Variants in PCDH7 observed in about 807,000 individuals in gnomAD.
PCDH7 encodes the protein protocadherin 7, also known as protocadherin-7.
In PCDH7, 17 loss-of-function variants were observed where a neutral mutation model predicts 58.9. The observed-to-expected ratio is 0.29, with a 90% CI of 0.20 to 0.43. The LOEUF (loss-of-function observed/expected upper bound fraction) is 0.43. Among genes scored for constraint, PCDH7 ranks in the 20% least tolerant of loss-of-function variants. The probability of loss-of-function intolerance (pLI) is 1.00; values close to 1 mark genes in which losing one functional copy is unlikely to be tolerated. For missense variants in PCDH7, 1,274 were observed against 1,441.0 expected, an observed-to-expected ratio of 0.88 and a Z score of 1.88; for synonymous variants, 664 against 616.4, an observed-to-expected ratio of 1.08 and a Z score of -1.14.
chr4:31,103,577 A>T (rs1353861195), intron 3 of PCDH7, among the ~76,000 whole-genome samples: 2 of 152,050 alleles, frequency 1.3e-5, no homozygotes, highest in African/African-American at 2.4e-5. Flanking sequence ...ACCTCAAGTG[A>T]TTCACCTGCC....
chr4:31,077,128 A>G (rs573157367), intron 3 of PCDH7, among the ~76,000 whole-genome samples: 16 of 152,316 alleles, frequency 1.1e-4, no homozygotes, highest in African/African-American at 2.9e-4. Context: ...TTAAAAAATC[A>G]GGCTGGGTGC....
At chr4:30,813,613 A>G (rs1309995254) in intron 1 of PCDH7, among the ~76,000 whole-genome samples, 1 of 152,160 alleles carries the variant, frequency 6.6e-6, no homozygotes, top group Non-Finnish European at 1.5e-5. Context: ...CTTCAAGTCA[A>G]TGTCACTGGG....
At chr4:31,116,001 C>T (rs1378496825) in intron 3 of PCDH7, among the ~76,000 whole-genome samples, 1 of 152,148 alleles carries the variant, frequency 6.6e-6, no homozygotes, top group Non-Finnish European at 1.5e-5. Context: ...AATAACTCTT[C>T]ATTGTCTTAT....
At chr4:30,822,669 G>A (rs1234882870) in intron 1 of PCDH7, among the ~76,000 whole-genome samples, 2 of 151,778 alleles carry the variant, frequency 1.3e-5, no homozygotes, top group African/African-American at 4.8e-5. Flanking sequence ...TTAAACACTG[G>A]TGCTTCTTGT....
intron 3 of PCDH7, among the ~76,000 whole-genome samples, chr4:31,111,735 C>G (rs553561054): frequency 6.6e-6 from 1 of 152,314 alleles, no homozygotes; most frequent in South Asian, 2.1e-4. Flanking sequence ...AGGCACTTCT[C>G]AACCCTAACA....
chr4:31,085,997 G>A (rs1204975477), intron 3 of PCDH7, among the ~76,000 whole-genome samples: 4 of 152,014 alleles, frequency 2.6e-5, no homozygotes, highest in Non-Finnish European at 5.9e-5. Context: ...AACAAAGTAA[G>A]TTGAAAAAGC....
chr4:31,048,478 A>G (rs932897750), intron 3 of PCDH7, among the ~76,000 whole-genome samples: 3 of 152,080 alleles, frequency 2.0e-5, no homozygotes, highest in Admixed American at 2.0e-4. Context: ...TGCCAGTTAG[A>G]ATCTTTCCAT....
intron 1 of PCDH7, among the ~76,000 whole-genome samples, chr4:30,797,429 C>G (rs934279845): frequency 6.6e-6 from 1 of 151,968 alleles, no homozygotes; most frequent in Admixed American, 6.6e-5. Flanking sequence ...CCCGCCACCA[C>G]GCCCGGCTAA....
intron 3 of PCDH7, among the ~76,000 whole-genome samples, chr4:31,051,196 A>T (rs989724341): frequency 4.6e-5 from 7 of 152,020 alleles, no homozygotes; most frequent in African/African-American, 1.7e-4. Context: ...TCACAGCCCC[A>T]CCTTACAAGC....
chr4:30,984,173 G>A (rs979243845), intron 3 of PCDH7, among the ~76,000 whole-genome samples: 1 of 152,102 alleles, frequency 6.6e-6, no homozygotes. Flanking sequence ...TTTGGGGGTG[G>A]TAAAAGTGGG....
At chr4:30,874,280 G>C (rs896047844) in intron 1 of PCDH7, among the ~76,000 whole-genome samples, 2 of 151,884 alleles carry the variant, frequency 1.3e-5, no homozygotes, top group African/African-American at 2.4e-5. Context: ...CAATAGCAAA[G>C]ACTTGGAACC....
At chr4:30,895,885 T>C (rs1251249533) in intron 1 of PCDH7, among the ~76,000 whole-genome samples, 1 of 152,210 alleles carries the variant, frequency 6.6e-6, no homozygotes, top group South Asian at 2.1e-4. Flanking sequence ...GAAATGAAGA[T>C]ATATGCTTTC....
At chr4:30,797,546 T>A (rs1483602961) in intron 1 of PCDH7, among the ~76,000 whole-genome samples, 2 of 152,210 alleles carry the variant, frequency 1.3e-5, no homozygotes, top group African/African-American at 2.4e-5. Context: ...AGTGCTGGGA[T>A]GACAGGCTTG....
intron 3 of PCDH7, among the ~76,000 whole-genome samples, chr4:30,964,250 A>C (rs5857216): frequency 2.8e-5 from 3 of 106,784 alleles, no homozygotes; most frequent in African/African-American, 1.7e-4. Flanking sequence ...TTATTTATTT[A>C]TTTTTTTTTG....
intron 3 of PCDH7, among the ~76,000 whole-genome samples, chr4:30,960,476 C>T (rs1748305966): frequency 6.6e-6 from 1 of 152,048 alleles, no homozygotes; most frequent in South Asian, 2.1e-4. Context: ...TTTGGCATAG[C>T]CATGTTTTTA....
intron 3 of PCDH7, among the ~76,000 whole-genome samples, chr4:31,052,104 T>TC (rs902521370): frequency 2.0e-5 from 3 of 152,118 alleles, no homozygotes; most frequent in Admixed American, 6.6e-5. Flanking sequence ...ATATATAATG[T>TC]CCCTTTTTTT....
chr4:30,795,928 A>G (rs1257489531), intron 1 of PCDH7, among the ~76,000 whole-genome samples: 1 of 152,230 alleles, frequency 6.6e-6, no homozygotes, highest in Non-Finnish European at 1.5e-5. Context: ...GAAACTATTT[A>G]TTAAAACAAA....
chr4:30,786,661 A>G (rs1037771448), intron 1 of PCDH7: 1 of 509,094 alleles, frequency 2.0e-6, no homozygotes, highest in African/African-American at 2.1e-5. Flanking sequence ...CAAGCTTTGG[A>G]ACTAGGCTGG....
intron 3 of PCDH7, among the ~76,000 whole-genome samples, chr4:31,065,693 A>T (rs1758027130): frequency 6.6e-6 from 1 of 151,968 alleles, no homozygotes; most frequent in African/African-American, 2.4e-5. Context: ...ACTGTAAGAA[A>T]TTCACTTTAT....
Sources: gnomAD v4.1 joint callset for allele counts (sites outside exome capture counted in the v4.1 genomes callset) on GRCh38, gnomAD v4.1.1 for gene constraint, MANE v1.5 for transcripts, NCBI Gene and HGNC (gene_info 2026-07-23, HGNC 2026-07-21) for gene names.